Variants in LRRC32 observed in about 807,000 individuals in gnomAD.
LRRC32 encodes leucine rich repeat containing 32.
Under a neutral mutation model 15.0 loss-of-function variants are expected in LRRC32, and 5 were observed. The observed-to-expected ratio is 0.33, with a 90% CI of 0.17 to 0.70. LRRC32 has a LOEUF of 0.70. LRRC32 is among the 30% of genes least tolerant of loss of function. LRRC32 has a pLI of 0.66. For missense variants in LRRC32, 803 were observed against 854.2 expected, an observed-to-expected ratio of 0.94 and a Z score of 0.75; for synonymous variants, 391 against 403.9, an observed-to-expected ratio of 0.97 and a Z score of 0.38.
Position 76,660,568 on chromosome 11 carries a change from C to G in LRRC32, c.1025G>C (p.Cys342Ser), listed in dbSNP as rs764062247. The change falls in exon 3 of 3, where the codon TGC (cysteine) becomes TCC (serine). Residue 342 changes from cysteine (C) to serine (S), a missense_variant. Coordinates refer to ENST00000260061, the MANE Select transcript of LRRC32 (RefSeq NM_001128922.2). ...GCAGTTTCTGCTGAGGTTCAGGAAG[C>G]ACAGGGAGGTCAGGTGCTCAAGAAA... Reference protein sequence around the residue: ...DSFLEHLTSLCFLNLSRNCLR... With the variant: ...DSFLEHLTSLSFLNLSRNCLR... The G allele has an allele frequency of 1.9e-6, 3 of 1,614,202 alleles. No homozygotes were observed. The highest frequency in any genetic ancestry group is 2.5e-6 in the Non-Finnish European group (3 of 1,180,034).
chr11:76,665,493 A>G (rs557806239), intron 2 of LRRC32, among the ~76,000 whole-genome samples: 38 of 152,308 alleles, frequency 2.5e-4, no homozygotes, highest in Admixed American at 1.9e-3. Flanking sequence ...AGCCCCTCCC[A>G]GCTGGCCTAC....
chr11:76,662,502 G>C (rs1009261880), intron 2 of LRRC32: 1 of 152,198 alleles, frequency 6.6e-6, no homozygotes, highest in African/African-American at 2.4e-5. Context: ...AGCTGGTGAG[G>C]AGCAGAGCTG....
chr11:76,658,543 G>A lies in LRRC32; in HGVS notation c.*1061C>T, dbSNP rs905120471. 2.6e-5 allele frequency: 4 copies of A among 152,448 alleles called. No individual in the cohort carries two copies. Among genetic ancestry groups the A allele is most frequent in the Admixed American group, 6.5e-5 (1 of 15,312 alleles). The allele number at this position is 152,448 out of a possible 1,614,324, so 9.4% of individuals were successfully genotyped here. ...GCAGCCCCTGCAGTGGTAAAGATCA[G>A]GCCCTGGAGACAGAAGGATGAAGGT... On this transcript the variant is annotated 3_prime_UTR_variant, in exon 3 of 3. Transcript: ENST00000260061.
Position 76,660,029 on chromosome 11 carries a change from C to T in LRRC32, c.1564G>A (p.Ala522Thr). Residue 522 changes from alanine to threonine, a missense_variant, in exon 3 of 3, where the codon GCC becomes ACC. Coordinates refer to ENST00000260061, the MANE Select transcript of LRRC32 (RefSeq NM_001128922.2). ...GGAAGGTGGCTCAGGCGGTTCTCGG[C>T]AAGATTGAGCCGCTTGAGGCAGATG... is the stretch of plus-strand genomic sequence containing the variant. ...CFICLKRLNL[A>T]ENRLSHLPAW... The T allele has an allele frequency of 6.2e-7, 1 of 1,614,158 alleles. No homozygotes were observed. The highest frequency in any genetic ancestry group is 8.5e-7 in the Non-Finnish European group (1 of 1,180,040).
In LRRC32 at chr11:76,658,104, A is replaced by G. The variant is rs1000955040; in HGVS notation, c.*1500T>C. ...AGAAAGGAAGTTTGGAGCCAGCATT[A>G]TCTTGTGATGTGATAGCTGAGAGAG... On this transcript the variant is annotated 3_prime_UTR_variant, in exon 3 of 3. Transcript: ENST00000260061. 1 of 152,388 alleles carries G rather than the reference A, an allele frequency of 6.6e-6. No homozygotes were observed. The highest frequency in any genetic ancestry group is 2.4e-5 in the African/African-American group (1 of 41,456). The allele number at this position is 152,388 out of a possible 1,614,324, so 9.4% of individuals were successfully genotyped here.
intron 1 of LRRC32, among the ~76,000 whole-genome samples, chr11:76,668,863 T>C (rs760176862): frequency 6.6e-6 from 1 of 152,162 alleles, no homozygotes; most frequent in Non-Finnish European, 1.5e-5. Flanking sequence ...GAAGGGATCG[T>C]CCCTGCAGCA....
In LRRC32 at chr11:76,660,078, G is replaced by A; in HGVS notation, c.1515C>T (p.Val505=). 6.2e-7 allele frequency: 1 copy of A among 1,614,102 alleles called. No homozygotes were observed. Among genetic ancestry groups the A allele is most frequent in the Non-Finnish European group, 8.5e-7 (1 of 1,180,022 alleles). The change falls in exon 3 of 3, where the codon GTC becomes GTT. Residue 505 remains valine, a synonymous_variant. Transcript: ENST00000260061. ...TGAAGCAGGGCAGGTCCACCTGCAG[G>A]ACCATCAGCCCGTTGCCCTGCAGTG... is the stretch of plus-strand genomic sequence containing the variant. ...VLALQGNGLM[V]LQVDLPCFIC...
In LRRC32 at chr11:76,661,113, A is replaced by G. The variant is rs1385736122; in HGVS notation, c.480T>C (p.Ser160=). 6.2e-7 allele frequency: 1 copy of G among 1,613,896 alleles called. No individual in the cohort carries two copies. The highest frequency in any genetic ancestry group is 8.5e-7 in the Non-Finnish European group (1 of 1,179,978). Residue 160 remains serine (S), a synonymous_variant, in exon 3 of 3, where the codon AGT becomes AGC. Transcript: ENST00000260061. ...SLHTLSLAEN[S]LTRLTRHTFR... ...AGGTGTGGCGGGTGAGGCGAGTCAGACTGTTCTCCGCCAGTGAGAGGGTAT... is the reference window on the plus strand; with the variant it reads ...AGGTGTGGCGGGTGAGGCGAGTCAGGCTGTTCTCCGCCAGTGAGAGGGTAT...
At chr11:76,661,660 A>C in intron 2 of LRRC32, 152 bp from the exon 3 acceptor site, 1 of 1,341,134 alleles carries the variant, frequency 7.5e-7, no homozygotes. Context: ...CAGCCTGATC[A>C]CCCCATGCCT....
In LRRC32 at chr11:76,660,813, G is replaced by A. The variant is rs367934066; in HGVS notation, c.780C>T (p.Asp260=). The A allele has an allele frequency of 5.6e-6, 9 of 1,614,060 alleles. No individual in the cohort carries two copies. The highest frequency in any genetic ancestry group is 7.6e-6 in the Non-Finnish European group (9 of 1,180,038). The change falls in exon 3 of 3, where the codon GAC becomes GAT. Residue 260 remains aspartate (D), a synonymous_variant. Transcript: ENST00000260061. ...LRENKLLHFP[D]LAALPRLIYL... ...AGATGAGTCTCGGGAGCGCGGCCAGGTCGGGGAAATGGAGCAGTTTGTTCT... is the reference window on the plus strand; with the variant it reads ...AGATGAGTCTCGGGAGCGCGGCCAGATCGGGGAAATGGAGCAGTTTGTTCT...
chr11:76,659,546 C>A lies in LRRC32; in HGVS notation c.*58G>T, dbSNP rs767481202. 1.2e-5 allele frequency: 19 copies of A among 1,546,696 alleles called. No homozygotes were observed. The highest frequency in any genetic ancestry group is 1.7e-5 in the Non-Finnish European group (19 of 1,137,544). On this transcript the variant is annotated 3_prime_UTR_variant, in exon 3 of 3. Transcript: ENST00000260061. ...GATCACTGTGTGACCTTGAGTCAGT[C>A]CTCACTCTTCTCTGTACCTCAGGCT...
chr11:76,667,126 G>C (rs1469471036), intron 1 of LRRC32, among the ~76,000 whole-genome samples: 1 of 152,224 alleles, frequency 6.6e-6, no homozygotes, highest in Non-Finnish European at 1.5e-5. Flanking sequence ...GCCACCTACA[G>C]AGCCTCCATT....
intron 1 of LRRC32, among the ~76,000 whole-genome samples, chr11:76,669,029 A>G (rs1259234319): frequency 6.6e-6 from 1 of 151,938 alleles, no homozygotes; most frequent in Non-Finnish European, 1.5e-5. Flanking sequence ...AAAGCCCACC[A>G]CTCACCAGCT....
chr11:76,665,127 C>T (rs1490034968), intron 2 of LRRC32, among the ~76,000 whole-genome samples: 1 of 152,230 alleles, frequency 6.6e-6, no homozygotes, highest in Non-Finnish European at 1.5e-5. Context: ...GTCACAAGAA[C>T]TTTAGGGCTA....
rs1332818477 is a variant in LRRC32 at position 76,657,936 on chromosome 11, A to G, written c.*1668T>C. 1.3e-5 allele frequency: 2 copies of G among 152,404 alleles called. No individual in the cohort carries two copies. Among genetic ancestry groups the G allele is most frequent in the Non-Finnish European group, 2.9e-5 (2 of 68,070 alleles). The allele number at this position is 152,404 out of a possible 1,614,324, so 9.4% of individuals were successfully genotyped here. A position where few individuals can be genotyped will look rare whatever the true frequency, so the allele number is the denominator to read the frequency against. ...CACAGGTAAGATGATGAAGACAGCA[A>G]AACAAGGTCTTGAGTTGGTCCCAGC... is the stretch of plus-strand genomic sequence containing the variant. On this transcript the variant is annotated 3_prime_UTR_variant, in exon 3 of 3. Transcript: ENST00000260061.
Position 76,659,747 on chromosome 11 carries a change from C to G in LRRC32, c.1846G>C (p.Glu616Gln). 1 of 1,614,184 alleles carries G rather than the reference C, an allele frequency of 6.2e-7. No individual in the cohort carries two copies. Among genetic ancestry groups the G allele is most frequent in the Non-Finnish European group, 8.5e-7 (1 of 1,180,028 alleles). The change falls in exon 3 of 3, where the codon GAG becomes CAG. Residue 616 changes from glutamate (E) to glutamine (Q), a missense_variant. Physicochemically the swap from Glu to Gln is conservative, Grantham distance 29 (BLOSUM62 2). Transcript: ENST00000260061. ...TTCAGTCCCCCCTTCTCACAGTCCT[C>G]GGGACGCACGTGGCTCAGGGACACC... Reference protein sequence around the residue: ...EEVSLSHVRPEDCEKGGLKNI... With the variant: ...EEVSLSHVRPQDCEKGGLKNI...
At chr11:76,664,897 A>C (rs1952599050) in intron 2 of LRRC32, among the ~76,000 whole-genome samples, 1 of 152,234 alleles carries the variant, frequency 6.6e-6, no homozygotes. Flanking sequence ...TGGTGGCAAC[A>C]GGAGACATTG....
chr11:76,666,088 A>G (rs1952621473), intron 1 of LRRC32, 130 bp from the exon 2 acceptor site: 2 of 804,110 alleles, frequency 2.5e-6, no homozygotes, highest in Admixed American at 4.3e-5. Flanking sequence ...TGGAATAAAG[A>G]TGCTTTGAGC....
Position 76,660,594 on chromosome 11 carries a change from G to T in LRRC32, c.999C>A (p.Ser333Arg). 6.2e-7 allele frequency: 1 copy of T among 1,614,208 alleles called. No individual in the cohort carries two copies. Residue 333 changes from serine to arginine, a missense_variant, in exon 3 of 3, where the codon AGC (serine) becomes AGA (arginine). Transcript: ENST00000260061. ...SYNEIELIPD[S>R]FLEHLTSLCF... is the part of the protein sequence containing the mutation. ...ACAGGGAGGTCAGGTGCTCAAGAAA[G>T]CTGTCGGGGATGAGCTCAATCTCAT...
Sources: gnomAD v4.1 joint callset for allele counts (sites outside exome capture counted in the v4.1 genomes callset) on GRCh38, gnomAD v4.1.1 for gene constraint, MANE v1.5 for transcripts, NCBI Gene and HGNC (gene_info 2026-07-23, HGNC 2026-07-21) for gene names.